LIPC: variants seen among roughly 807,000 people sequenced by gnomAD.
LIPC encodes the protein lipase C, hepatic type, also known as hepatic triacylglycerol lipase.
A neutral mutation model predicts 50.7 loss-of-function variants in LIPC; 44 were observed. The ratio of observed to expected loss-of-function variants is 0.87; its 90% CI spans 0.68 to 1.11. The LOEUF (loss-of-function observed/expected upper bound fraction) is 1.11, where lower values mean the gene tolerates loss of function less well. Ranked by LOEUF, LIPC falls within the 50% of genes most tolerant of loss-of-function variation. The probability of loss-of-function intolerance (pLI) is 0.00; values close to 1 mark genes in which losing one functional copy is unlikely to be tolerated. For synonymous variants in LIPC, 271 were observed against 256.4 expected, an observed-to-expected ratio of 1.06 and a Z score of -0.54; for missense variants, 697 against 648.2, an observed-to-expected ratio of 1.08 and a Z score of -0.82.
At chr15:58,544,741 G>A (rs1397074192) in intron 4 of LIPC, among the ~76,000 whole-genome samples, 1 of 152,186 alleles carries the variant, frequency 6.6e-6, no homozygotes, top group Non-Finnish European at 1.5e-5. Flanking sequence ...TGGAGAACGG[G>A]TGATCTCACG....
chr15:58,437,007 C>G, intron 1 of LIPC: 1 of 385,900 alleles, frequency 2.6e-6, no homozygotes, highest in Non-Finnish European at 5.1e-6. Flanking sequence ...TGCCCAAGTG[C>G]AAACCACTGA....
chr15:58,561,749 T>C (rs1487184289), intron 7 of LIPC, among the ~76,000 whole-genome samples: 1 of 152,224 alleles, frequency 6.6e-6, no homozygotes, highest in Non-Finnish European at 1.5e-5. Context: ...AGAGTCAGGC[T>C]GGAATTTGGT....
intron 1 of LIPC, among the ~76,000 whole-genome samples, chr15:58,466,849 A>G (rs1894584237): frequency 6.6e-6 from 1 of 152,230 alleles, no homozygotes; most frequent in Admixed American, 6.5e-5. Flanking sequence ...TACTTACTGT[A>G]ATCACTTCGT....
intron 1 of LIPC, among the ~76,000 whole-genome samples, chr15:58,471,328 T>TGCA: frequency 8.8e-6 from 1 of 114,238 alleles, no homozygotes; most frequent in East Asian, 2.6e-4. Flanking sequence ...TTAGTAGAGA[T>TGCA]GGGGGGGGGT....
chr15:58,567,287 A>G (rs369112006), intron 8 of LIPC, among the ~76,000 whole-genome samples: 4,613 of 60,962 alleles, frequency 0.076, 155 homozygotes, highest in African/African-American at 0.13. Flanking sequence ...GTGTGTATAT[A>G]TATATACATA....
At position 58,462,880 on chromosome 15, in the gene LIPC, C is replaced by G. The variant is rs1384080371; in HGVS notation, c.88+30760C>G. Among the ~76,000 whole-genome samples the G allele has an allele frequency of 5.3e-5, 8 of 152,212 alleles. 1 individual carries two copies. The highest frequency in any genetic ancestry group is 1.2e-4 in the Non-Finnish European group (8 of 68,042). ...GCTGAGCTCTGCTGGTCCGCTGGGC[C>G]CTGCCTGCAGAGTTATTGGCGGAGT... On this transcript the variant is annotated intron_variant, in intron 1 of 8. Transcript: ENST00000299022.
intron 1 of LIPC, among the ~76,000 whole-genome samples, chr15:58,500,623 GTGC>G (rs1434023446): frequency 2.0e-5 from 3 of 152,084 alleles, no homozygotes; most frequent in Non-Finnish European, 4.4e-5. Flanking sequence ...GTTTTCATAT[GTGC>G]TGCTACTAAG....
rs535296126 is a variant in LIPC, at chr15:58,474,839, G to A, written c.88+42719G>A. Among the ~76,000 whole-genome samples the A allele has an allele frequency of 2.7e-4, 41 of 152,224 alleles. No individual in the cohort carries two copies. In the East Asian group the frequency reaches 7.1e-3, roughly 27 times the overall value. ...CCCCTGGCTTCTCAAAGCTACTCCT[G>A]CATGGAGGCAAGTACAACTAGCCAA... On this transcript the variant is annotated intron_variant, in intron 1 of 8. Transcript: ENST00000299022.
chr15:58,522,244 G>C (rs1892679854), intron 1 of LIPC: 1 of 153,766 alleles, frequency 6.5e-6, no homozygotes, highest in African/African-American at 2.4e-5. Context: ...CACTGCCTCA[G>C]CTTCCTCCAC....
intron 1 of LIPC, among the ~76,000 whole-genome samples, chr15:58,534,097 G>A (rs542174280): frequency 6.6e-6 from 1 of 152,270 alleles, no homozygotes; most frequent in African/African-American, 2.4e-5. Flanking sequence ...GATGAATGAC[G>A]GTGTTATGAA....
intron 1 of LIPC, among the ~76,000 whole-genome samples, chr15:58,504,163 C>T (rs1272523327): frequency 1.3e-5 from 2 of 152,172 alleles, no homozygotes; most frequent in Admixed American, 1.3e-4. Flanking sequence ...TGAACAAGCT[C>T]CCTCCAAACC....
chr15:58,565,776 C>T, intron 8 of LIPC: 1 of 987,364 alleles, frequency 1.0e-6, no homozygotes, highest in Non-Finnish European at 1.2e-6. Flanking sequence ...TGGACATTAA[C>T]ATATGTATGC....
At chr15:58,553,088 T>A (rs778715923) in intron 6 of LIPC, among the ~76,000 whole-genome samples, 17 of 152,080 alleles carry the variant, frequency 1.1e-4, no homozygotes, top group Non-Finnish European at 1.3e-4. Context: ...GATGAGGAAA[T>A]CGAGCCCCAG....
intron 8 of LIPC, chr15:58,564,099 T>G (rs922581369): frequency 6.3e-5 from 19 of 301,932 alleles, no homozygotes; most frequent in Admixed American, 4.1e-5. Context: ...TTTTTTTTAT[T>G]GTTTGCCCAA....
At chr15:58,556,078 A>C (rs1893938722) in intron 6 of LIPC, among the ~76,000 whole-genome samples, 1 of 152,222 alleles carries the variant, frequency 6.6e-6, no homozygotes, top group African/African-American at 2.4e-5. Context: ...ACTACCCAGC[A>C]GGGCATCATT....
Position 58,531,295 on chromosome 15 carries a change from T to C in LIPC, c.89-7038T>C, listed in dbSNP as rs1294036270. 8.5e-5 allele frequency among the ~76,000 whole-genome samples: 13 copies of C among 152,204 alleles called. No individual in the cohort carries two copies. In the East Asian group the frequency reaches 2.5e-3, roughly 29 times the overall value. On this transcript the variant is annotated intron_variant, in intron 1 of 8. Transcript: ENST00000299022. ...TCTTTTAAGGATATCTGTTCAGTTC[T>C]CTCACCCTACCTTGAACCTACACAG...
At chr15:58,489,303 T>C (rs956989967) in intron 1 of LIPC, among the ~76,000 whole-genome samples, 5 of 149,266 alleles carry the variant, frequency 3.3e-5, no homozygotes, top group African/African-American at 1.2e-4. Flanking sequence ...AGGTTCTTCC[T>C]ATTCGCTGCA....
At position 58,542,593 on chromosome 15, in the gene LIPC, C is replaced by T. The variant is rs759642964; in HGVS notation, c.516C>T (p.His172=). 57 of 1,613,744 alleles carry T rather than the reference C, an allele frequency of 3.5e-5. No individual in the cohort carries two copies. Among genetic ancestry groups the T allele is most frequent in the Middle Eastern group, 1.6e-4 (1 of 6,084 alleles). ...VHLIGYSLGA[H]VSGFAGSSIG... ...TAATTGGGTACAGCCTGGGTGCACACGTGTCAGGATTTGCCGGCAGTTCCA... is the reference window on the plus strand; with the variant it reads ...TAATTGGGTACAGCCTGGGTGCACATGTGTCAGGATTTGCCGGCAGTTCCA... The change falls in exon 4 of 9, where the codon CAC becomes CAT. Residue 172 remains histidine, a synonymous_variant. Coordinates refer to ENST00000299022, the MANE Select transcript of LIPC (RefSeq NM_000236.3).
chr15:58,507,135 T>C (rs2140849537), intron 1 of LIPC, among the ~76,000 whole-genome samples: 1 of 152,216 alleles, frequency 6.6e-6, no homozygotes, highest in Non-Finnish European at 1.5e-5. Context: ...CAATTCAATA[T>C]GAGATTTAGG....
Sources: allele counts gnomAD v4.1 joint callset (sites outside exome capture counted in the v4.1 genomes callset), GRCh38; gene constraint gnomAD v4.1.1; transcripts MANE v1.5; gene names NCBI Gene and HGNC (gene_info 2026-07-23, HGNC 2026-07-21).